BRINP3: variants seen among roughly 807,000 people sequenced by gnomAD.
BRINP3 encodes the protein BMP/retinoic acid inducible neural specific 3, also known as BMP/retinoic acid-inducible neural-specific protein 3.
In BRINP3, 19 loss-of-function variants were observed where a neutral mutation model predicts 71.0. The ratio of observed to expected loss-of-function variants is 0.27; its 90% CI spans 0.19 to 0.39. The LOEUF (loss-of-function observed/expected upper bound fraction) is 0.39, where lower values mean the gene tolerates loss of function less well. Ranked by LOEUF, BRINP3 falls within the 10% of genes least tolerant of loss-of-function variation. BRINP3 has a pLI of 1.00. For missense variants in BRINP3, 959 were observed against 940.8 expected, an observed-to-expected ratio of 1.02 and a Z score of -0.25; for synonymous variants, 380 against 337.7, an observed-to-expected ratio of 1.13 and a Z score of -1.37.
rs1442471720 is a variant in BRINP3, at chr1:190,342,752, T to A, written c.237-61002A>T. ...CTGAGCTAAGGGAAATAAATGTGATTATTGTAAGTAACAATACTTCTGATC... is the reference window on the plus strand; with the variant it reads ...CTGAGCTAAGGGAAATAAATGTGATAATTGTAAGTAACAATACTTCTGATC... On this transcript the variant is annotated intron_variant, in intron 2 of 7. Transcript: ENST00000367462. 6 of 151,936 alleles carry A rather than the reference T, an allele frequency of 3.9e-5. No individual in the cohort carries two copies. The South Asian group carries it at 1.0e-3, about 26-fold the overall frequency. 9.4% of individuals were successfully genotyped at this position (151,936 alleles called of 1,614,324 possible).
chr1:190,383,045 T>C lies in BRINP3; in HGVS notation c.236+71610A>G, dbSNP rs555981680. On this transcript the variant is annotated intron_variant, in intron 2 of 7. Coordinates refer to ENST00000367462, the MANE Select transcript of BRINP3 (RefSeq NM_199051.3). ...CAGTGGTGCAGGTGGAACTGGTATATGAAAGGAGGCCCTTGAAATTAGTAT... is the reference window on the plus strand; with the variant it reads ...CAGTGGTGCAGGTGGAACTGGTATACGAAAGGAGGCCCTTGAAATTAGTAT... Among the ~76,000 whole-genome samples, 26 of 152,262 alleles carry C rather than the reference T, an allele frequency of 1.7e-4. No individual in the cohort carries two copies. The South Asian group carries it at 1.9e-3, about 11-fold the overall frequency.
chr1:190,281,826 G>C, intron 2 of BRINP3, 76 bp from the exon 3 acceptor site: 1 of 1,389,444 alleles, frequency 7.2e-7, no homozygotes, highest in Non-Finnish European at 9.8e-7. Context: ...CTTGGTAGCT[G>C]GGGTCAGTAC....
intron 7 of BRINP3, among the ~76,000 whole-genome samples, chr1:190,137,476 A>G (rs2102375107): frequency 6.6e-6 from 1 of 152,020 alleles, no homozygotes; most frequent in East Asian, 1.9e-4. Context: ...GCTTCGCATT[A>G]TAGACAAGAG....
intron 2 of BRINP3, among the ~76,000 whole-genome samples, chr1:190,290,440 T>G (rs558535265): frequency 2.6e-5 from 4 of 152,152 alleles, no homozygotes; most frequent in African/African-American, 4.8e-5. Flanking sequence ...CACATTGATA[T>G]AGACAAATTC....
chr1:190,395,755 C>T (rs995408145), intron 2 of BRINP3, among the ~76,000 whole-genome samples: 8 of 151,748 alleles, frequency 5.3e-5, no homozygotes, highest in African/African-American at 1.2e-4. Flanking sequence ...TTGTTATCAA[C>T]GATTCTTAAC....
intron 4 of BRINP3, among the ~76,000 whole-genome samples, chr1:190,238,698 G>A (rs902846712): frequency 2.0e-5 from 3 of 150,746 alleles, no homozygotes; most frequent in Non-Finnish European, 3.0e-5. Context: ...AGTTTAACTC[G>A]TACAATCACT....
At chr1:190,327,551 A>G (rs1193346143) in intron 2 of BRINP3, among the ~76,000 whole-genome samples, 1 of 151,434 alleles carries the variant, frequency 6.6e-6, no homozygotes, top group Non-Finnish European at 1.5e-5. Context: ...CTGTAAACCA[A>G]CAACAGTAAA....
intron 6 of BRINP3, among the ~76,000 whole-genome samples, chr1:190,211,709 G>T (rs1656003476): frequency 6.6e-6 from 1 of 152,150 alleles, no homozygotes; most frequent in Admixed American, 6.6e-5. Context: ...GGAACAGGGA[G>T]AAGGCATTTG....
intron 7 of BRINP3, among the ~76,000 whole-genome samples, chr1:190,153,681 T>C (rs1172997785): frequency 6.6e-6 from 1 of 152,194 alleles, no homozygotes; most frequent in African/African-American, 2.4e-5. Context: ...AATTTTTAAC[T>C]AAATCATAGA....
At chr1:190,229,941 T>A (rs1404091590) in intron 5 of BRINP3, among the ~76,000 whole-genome samples, 1 of 151,810 alleles carries the variant, frequency 6.6e-6, no homozygotes, top group Non-Finnish European at 1.5e-5. Flanking sequence ...ATCAAAAATT[T>A]AATAACAAAA....
At chr1:190,301,182 T>TAC (rs1194921192) in intron 2 of BRINP3, among the ~76,000 whole-genome samples, 30 of 114,914 alleles carry the variant, frequency 2.6e-4, no homozygotes, top group Non-Finnish European at 4.4e-4. Context: ...TATACATATA[T>TAC]ATATGTATAT....
intron 1 of BRINP3, among the ~76,000 whole-genome samples, chr1:190,458,093 C>T (rs972948496): frequency 4.0e-5 from 6 of 151,898 alleles, no homozygotes; most frequent in African/African-American, 1.5e-4. Context: ...AACAATATTA[C>T]CAGGTAATTA....
At chr1:190,476,570 G>T (rs1424841644) in intron 1 of BRINP3, among the ~76,000 whole-genome samples, 1 of 152,122 alleles carries the variant, frequency 6.6e-6, no homozygotes, top group African/African-American at 2.4e-5. Flanking sequence ...AAAGCAAAAG[G>T]CACTGACCAT....
intron 2 of BRINP3, among the ~76,000 whole-genome samples, chr1:190,444,932 T>A (rs1447384723): frequency 6.6e-6 from 1 of 152,184 alleles, no homozygotes; most frequent in African/African-American, 2.4e-5. Context: ...CTTTGTGTAA[T>A]TTTTTTCAAC....
At chr1:190,316,292 T>A (rs1665876501) in intron 2 of BRINP3, among the ~76,000 whole-genome samples, 1 of 152,162 alleles carries the variant, frequency 6.6e-6, no homozygotes, top group African/African-American at 2.4e-5. Context: ...AATTATTGAC[T>A]TCATTTTAGA....
rs1379453749 is a variant in BRINP3, at chr1:190,226,091, C to T, written c.952G>A (p.Glu318Lys). 3 of 1,583,906 alleles carry T rather than the reference C, an allele frequency of 1.9e-6. No individual in the cohort carries two copies. Among genetic ancestry groups the T allele is most frequent in the African/African-American group, 2.7e-5 (2 of 73,424 alleles). ...AAAATACATGTCTTACCTGATTCCT[C>T]AAAGTCACTGTTGTAAGCTTTCCAG... is the stretch of plus-strand genomic sequence containing the variant. ...ETWKAYNSDF[E>K]ESDEFKLFMK... Residue 318 changes from glutamate (E) to lysine (K), a missense_variant, in exon 6 of 8, where the codon GAG becomes AAG. Transcript: ENST00000367462.
chr1:190,377,608 T>C (rs1670264212), intron 2 of BRINP3, among the ~76,000 whole-genome samples: 1 of 148,820 alleles, frequency 6.7e-6, no homozygotes, highest in African/African-American at 2.4e-5. Flanking sequence ...ATAATATATA[T>C]AAAACCTGAA....
At chr1:190,319,570 A>C (rs1316669066) in intron 2 of BRINP3, among the ~76,000 whole-genome samples, 1 of 152,044 alleles carries the variant, frequency 6.6e-6, no homozygotes, top group East Asian at 1.9e-4. Context: ...GCTTCTTGGG[A>C]GGCATCAAAA....
chr1:190,466,536 C>G (rs569075432), intron 1 of BRINP3, among the ~76,000 whole-genome samples: 4 of 151,718 alleles, frequency 2.6e-5, no homozygotes, highest in Non-Finnish European at 5.9e-5. Context: ...AAGAAACTTT[C>G]AGAATTTCAA....
Sources: allele counts gnomAD v4.1 joint callset (sites outside exome capture counted in the v4.1 genomes callset), GRCh38; gene constraint gnomAD v4.1.1; transcripts MANE v1.5; gene names NCBI Gene and HGNC (gene_info 2026-07-23, HGNC 2026-07-21).